HEATR6: variants seen among roughly 807,000 people sequenced by gnomAD.
The protein encoded by HEATR6 is HEAT repeat-containing protein 6.
A neutral mutation model predicts 132.8 loss-of-function variants in HEATR6; 106 were observed. The observed-to-expected ratio is 0.80, with a 90% CI of 0.68 to 0.94. The LOEUF is 0.94. Among genes scored for constraint, HEATR6 ranks in the 40% least tolerant of loss-of-function variants. The pLI is 0.00. For missense variants in HEATR6, 1,339 were observed against 1,425.1 expected (o/e 0.94, Z 0.97); for synonymous variants, 529 against 537.8 (o/e 0.98, Z 0.23).
chr17:60,073,974 G>A (rs2083284018), intron 2 of HEATR6, 88 bp from the exon 3 acceptor site: 1 of 1,492,180 alleles, frequency 6.7e-7, no homozygotes, highest in Non-Finnish European at 8.9e-7. Context: ...GAATCAAGCT[G>A]TATAAAAGAG....
intron 11 of HEATR6, 22 bp downstream of exon 11, chr17:60,059,400 T>C (rs1322160006): frequency 2.8e-6 from 4 of 1,410,112 alleles, no homozygotes; most frequent in African/African-American, 1.4e-5. Context: ...AAAGAAGCCA[T>C]CAGTTTTAAG....
chr17:60,067,485 C>G lies in HEATR6; in HGVS notation c.1187G>C (p.Ser396Thr). ...FSSSSWKRVS[S>T]SESDFSDAEG... ...AGCATCAGAAAAGTCTGACTCACTACTGCTGACCCTTTTCCAACTGGAAGA... is the reference window on the plus strand; with the variant it reads ...AGCATCAGAAAAGTCTGACTCACTAGTGCTGACCCTTTTCCAACTGGAAGA... The change falls in exon 8 of 20, where the codon AGT becomes ACT. Residue 396 changes from serine (S) to threonine (T), a missense_variant. Physicochemically the swap from Ser to Thr is moderately conservative, Grantham distance 58. Transcript: ENST00000184956. 1.2e-6 allele frequency: 2 copies of G among 1,600,250 alleles called. No homozygotes were observed. The highest frequency in any genetic ancestry group is 1.7e-6 in the Non-Finnish European group (2 of 1,174,804).
At chr17:60,048,146 AGACT>A (rs1355420619) in intron 17 of HEATR6, 114 bp downstream of exon 17, 12 of 1,000,164 alleles carry the variant, frequency 1.2e-5, no homozygotes, top group African/African-American at 1.6e-5. Flanking sequence ...AAAAGCAGGA[AGACT>A]GACTGCATAA....
chr17:60,068,767 C>G (rs2083255242), intron 7 of HEATR6, among the ~76,000 whole-genome samples: 1 of 152,074 alleles, frequency 6.6e-6, no homozygotes, highest in African/African-American at 2.4e-5. Flanking sequence ...TCTGAAATCT[C>G]TGTTTAGCTA....
Position 60,046,177 on chromosome 17 carries a change from G to T in HEATR6, c.2822C>A (p.Pro941His), listed in dbSNP as rs766891804. 4 of 1,613,710 alleles carry T rather than the reference G, an allele frequency of 2.5e-6. No homozygotes were observed. Among genetic ancestry groups the T allele is most frequent in the Non-Finnish European group, 3.4e-6 (4 of 1,179,914 alleles). Residue 941 changes from proline to histidine, a missense_variant, in exon 19 of 20, where the codon CCC becomes CAC. Coordinates refer to ENST00000184956, the MANE Select transcript of HEATR6 (RefSeq NM_022070.5). ...AAATGTGGGTTTTTCTATATGAGAG[G>T]GTTGCAGAAAATGAAGCAAATTTCC... is the stretch of plus-strand genomic sequence containing the variant. ...ALGNLLHFLQ[P>H]SHIEKPTFAE...
At chr17:60,058,850 G>A (rs1472181014) in intron 11 of HEATR6, among the ~76,000 whole-genome samples, 1 of 152,152 alleles carries the variant, frequency 6.6e-6, no homozygotes, top group African/African-American at 2.4e-5. Context: ...CGATCTGAAA[G>A]CTTGCAAACA....
chr17:60,041,694 G>T lies in HEATR6; in HGVS notation c.*1869C>A, dbSNP rs1906176767. Among the ~76,000 whole-genome samples, 1 of 152,160 alleles carries T rather than the reference G, an allele frequency of 6.6e-6. No individual in the cohort carries two copies. The highest frequency in any genetic ancestry group is 1.5e-5 in the Non-Finnish European group (1 of 68,042). ...CTATCAATGGAAAATTGAGCCTTTA[G>T]TGAACTTGAATACCCTGTTCCCCAA... On this transcript the variant is annotated 3_prime_UTR_variant, in exon 20 of 20. Transcript: ENST00000184956.
chr17:60,047,213 A>G (rs1452561348), intron 18 of HEATR6, 96 bp downstream of exon 18: 1 of 735,376 alleles, frequency 1.4e-6, no homozygotes, highest in East Asian at 2.7e-5. Context: ...TTGGTGGGAC[A>G]GTCTGAGGAA....
intron 19 of HEATR6, among the ~76,000 whole-genome samples, chr17:60,044,524 G>C (rs569949010): frequency 3.9e-5 from 6 of 152,348 alleles, no homozygotes; most frequent in African/African-American, 1.4e-4. Context: ...CTTCTGAGCT[G>C]TGTGCAAGCC....
intron 3 of HEATR6, 79 bp from the exon 4 acceptor site, chr17:60,073,358 T>C: frequency 1.2e-6 from 1 of 839,120 alleles, no homozygotes; most frequent in Non-Finnish European, 1.9e-6. Context: ...TTCTTCTTTC[T>C]TTTTTTAACT....
rs1305876071 is a variant in HEATR6, at chr17:60,073,163, C to A, written c.584+1G>T. On this transcript the variant is annotated splice_donor_variant, in intron 4 of 19. Transcript: ENST00000184956. LOFTEE classifies it high-confidence loss of function. ...TGAGAAACTTGACTGGAGCCACATA[C>A]CTGAGACATAAGTTTGCCATACAAT... is the stretch of plus-strand genomic sequence containing the variant. 6.4e-7 allele frequency: 1 copy of A among 1,572,984 alleles called. No homozygotes were observed. The highest frequency in any genetic ancestry group is 8.8e-7 in the Non-Finnish European group (1 of 1,142,636).
Position 60,067,544 on chromosome 17 carries a change from A to T in HEATR6, c.1128T>A (p.Ala376=). ...VQSLPLDGSG[A]AEKDGVSSSF... Reference sequence around the variant, plus strand: ...ATGAGGAGACTCCATCTTTTTCTGCAGCTCCACTTCCATCTAAAGGCAAAC... The same window carrying T: ...ATGAGGAGACTCCATCTTTTTCTGCTGCTCCACTTCCATCTAAAGGCAAAC... The change falls in exon 8 of 20, where the codon GCT becomes GCA. Residue 376 remains alanine, a synonymous_variant. Transcript: ENST00000184956. The T allele has an allele frequency of 6.2e-7, 1 of 1,613,502 alleles. No individual in the cohort carries two copies. The highest frequency in any genetic ancestry group is 1.1e-5 in the South Asian group (1 of 90,982).
chr17:60,076,712 A>C lies in HEATR6; in HGVS notation c.220-475T>G, dbSNP rs539565294. Reference sequence around the variant, plus strand: ...AGTGAGACCTTGTCTCTTAAAAAAAAGAAAAAAGAAAAAAAAAGGAAAAGA... The same window carrying C: ...AGTGAGACCTTGTCTCTTAAAAAAACGAAAAAAGAAAAAAAAAGGAAAAGA... On this transcript the variant is annotated intron_variant, in intron 1 of 19. Transcript: ENST00000184956. 3 of 140,794 alleles carry C rather than the reference A, an allele frequency of 2.1e-5. No individual in the cohort carries two copies. The South Asian group carries it at 6.4e-4, about 30-fold the overall frequency. 8.7% of individuals were successfully genotyped at this position (140,794 alleles called of 1,614,324 possible). A position where few individuals can be genotyped will look rare whatever the true frequency, so the allele number is the denominator to read the frequency against.
At position 60,048,313 on chromosome 17, in the gene HEATR6, T is replaced by A. The variant is rs1369587803; in HGVS notation, c.2623A>T (p.Lys875Ter). The A allele has an allele frequency of 1.2e-6, 2 of 1,613,654 alleles. No individual in the cohort carries two copies. Among genetic ancestry groups the A allele is most frequent in the African/African-American group, 1.3e-5 (1 of 74,894 alleles). ...LEDKSLNVRA[K>*]AAWSLGNLTD... ...AGGTTGCCCAGGGACCAGGCTGCTT[T>A]GGCTCGAACATTCAGAGACTTGTCT... The change falls in exon 17 of 20, where the codon AAA (lysine) becomes TAA (stop). Residue 875 changes from lysine (K) to a stop codon, truncating the protein, a stop_gained. Transcript: ENST00000184956. LOFTEE classifies it high-confidence loss of function.
At chr17:60,055,372 A>AG in intron 14 of HEATR6, 143 bp downstream of exon 14, 1 of 537,424 alleles carries the variant, frequency 1.9e-6, no homozygotes, top group East Asian at 3.0e-5. Context: ...AATTTATACT[A>AG]GTTTCATGTT....
chr17:60,059,325 G>T, intron 11 of HEATR6, 97 bp downstream of exon 11: 1 of 656,844 alleles, frequency 1.5e-6, no homozygotes, highest in Non-Finnish European at 2.5e-6. Flanking sequence ...TTGTAAAAAT[G>T]CTTTGAATAT....
At chr17:60,046,476 C>T (rs370250871) in intron 18 of HEATR6, among the ~76,000 whole-genome samples, 7 of 152,006 alleles carry the variant, frequency 4.6e-5, no homozygotes, top group Non-Finnish European at 1.0e-4. Flanking sequence ...GGTCCATCTT[C>T]CTTGTTTTAC....
chr17:60,078,779 T>C lies in HEATR6; in HGVS notation c.136A>G (p.Ser46Gly). The C allele has an allele frequency of 6.3e-7, 1 of 1,581,942 alleles. No individual in the cohort carries two copies. Among genetic ancestry groups the C allele is most frequent in the Non-Finnish European group, 8.6e-7 (1 of 1,165,770 alleles). The change falls in exon 1 of 20, where the codon AGC (serine) becomes GGC (glycine). Residue 46 changes from serine to glycine, a missense_variant. Coordinates refer to ENST00000184956, the MANE Select transcript of HEATR6 (RefSeq NM_022070.5). ...RLCALRPDDS[S>G]SARTEIHLLF... Reference sequence around the variant, plus strand: ...AGGTGGATCTCGGTGCGGGCGGAGCTGCTGTCATCCGGGCGCAGGGCGCAG... The same window carrying C: ...AGGTGGATCTCGGTGCGGGCGGAGCCGCTGTCATCCGGGCGCAGGGCGCAG...
chr17:60,049,732 T>C, intron 15 of HEATR6, 30 bp from the exon 16 acceptor site: 1 of 1,607,512 alleles, frequency 6.2e-7, no homozygotes, highest in Non-Finnish European at 8.5e-7. Context: ...AAGGGAAAAA[T>C]GAGAATGAAA....
Sources: allele counts gnomAD v4.1 joint callset (sites outside exome capture counted in the v4.1 genomes callset), GRCh38; gene constraint gnomAD v4.1.1; transcripts MANE v1.5; gene names NCBI Gene and HGNC (gene_info 2026-07-23, HGNC 2026-07-21).